TMED5: variants seen among roughly 807,000 people sequenced by gnomAD.
TMED5 encodes the protein transmembrane p24 trafficking protein 5, also known as transmembrane emp24 domain-containing protein 5.
A neutral mutation model predicts 23.0 loss-of-function variants in TMED5; 27 were observed. The ratio of observed to expected loss-of-function variants is 1.17; its 90% CI spans 0.86 to 1.62. TMED5 has a LOEUF of 1.62. Among genes scored for constraint, TMED5 ranks in the 40% most tolerant of loss-of-function variants. The pLI is 0.00. For missense variants in TMED5, 248 were observed against 273.7 expected (o/e 0.91, Z 0.66); for synonymous variants, 97 against 100.8 (o/e 0.96, Z 0.23).
intron 1 of TMED5, among the ~76,000 whole-genome samples, chr1:93,178,224 T>C (rs2101178646): frequency 6.6e-6 from 1 of 152,342 alleles, no homozygotes; most frequent in South Asian, 2.1e-4. Context: ...CCTTTTCTGC[T>C]ACTCCCACCC....
chr1:93,156,368 C>A lies in TMED5; in HGVS notation c.403G>T (p.Glu135Ter), dbSNP rs1648074635. 6.2e-7 allele frequency: 1 copy of A among 1,613,862 alleles called. No individual in the cohort carries two copies. Among genetic ancestry groups the A allele is most frequent in the Non-Finnish European group, 8.5e-7 (1 of 1,179,862 alleles). Residue 135 changes from glutamate to a stop codon, truncating the protein, a stop_gained, in exon 3 of 4, where the codon GAA (glutamate) becomes TAA (stop). Coordinates refer to ENST00000370282, the MANE Select transcript of TMED5 (RefSeq NM_016040.5). LOFTEE classifies it high-confidence loss of function. ...ATATATTTCTTCCAATCTTCTTGTT[C>A]TTGTGCCTGTTCTCCCATATTATCC... ...ILDNMGEQAQ[E>*]QEDWKKYITG...
At position 93,156,323 on chromosome 1, in the gene TMED5, C is replaced by G; in HGVS notation, c.448G>C (p.Asp150His). 1 of 1,613,636 alleles carries G rather than the reference C, an allele frequency of 6.2e-7. No individual in the cohort carries two copies. Among genetic ancestry groups the G allele is most frequent in the Non-Finnish European group, 8.5e-7 (1 of 1,179,746 alleles). The change falls in exon 3 of 4, where the codon GAT (aspartate) becomes CAT (histidine). Residue 150 changes from aspartate (D) to histidine (H), a missense_variant. Transcript: ENST00000370282. ...KKYITGTDIL[D>H]MKLEDILESI... ...ACCAGGATGTCTTCCAGTTTCATAT[C>G]CAATATATCTGTGCCAGTAATATAT...
chr1:93,178,593 C>G (rs1571288289), intron 1 of TMED5, among the ~76,000 whole-genome samples: 1 of 152,142 alleles, frequency 6.6e-6, no homozygotes, highest in East Asian at 1.9e-4. Context: ...CCCCCTCCGT[C>G]TCCCCCACCT....
rs1378215125 is a variant in TMED5 at position 93,175,314 on chromosome 1, T to TACACAC, written c.189+4739_189+4740insGTGTGT. 1.4e-4 allele frequency among the ~76,000 whole-genome samples: 15 copies of TACACAC among 109,060 alleles called. No homozygotes were observed. In the East Asian group the frequency reaches 1.9e-3, roughly 14 times the overall value. The allele number at this position is 109,060 out of a possible 152,430, so 71.5% of individuals were successfully genotyped here. A position where few individuals can be genotyped will look rare whatever the true frequency, so the allele number is the denominator to read the frequency against. On this transcript the variant is annotated intron_variant, in intron 1 of 3. Coordinates refer to ENST00000370282, the MANE Select transcript of TMED5 (RefSeq NM_016040.5). ...TCCCTTATGCCTATATATATATATA[T>TACACAC]ATACACACACACACACACACACACA...
intron 1 of TMED5, chr1:93,160,464 T>C: frequency 2.9e-6 from 1 of 343,198 alleles, no homozygotes; most frequent in Non-Finnish European, 5.4e-6. Context: ...TTATGGATAT[T>C]ACTGAAATAA....
Position 93,160,144 on chromosome 1 carries a change from G to C in TMED5, c.272C>G (p.Ser91Ter). ...GATTACTTACGTGTGAACTCCATCT[G>C]ATTTTCTTTGTTCAAAAACTAAGGT... ...GKTLVFEQRK[S>*]DGVHTVETEV... Residue 91 changes from serine to a stop codon, truncating the protein, a stop_gained, in exon 2 of 4, where the codon TCA (serine) becomes TGA (stop). Transcript: ENST00000370282. LOFTEE classifies it high-confidence loss of function. 4 of 1,610,548 alleles carry C rather than the reference G, an allele frequency of 2.5e-6. No homozygotes were observed. Among genetic ancestry groups the C allele is most frequent in the Non-Finnish European group, 2.5e-6 (3 of 1,177,138 alleles).
chr1:93,166,980 T>C (rs1254594632), intron 1 of TMED5, among the ~76,000 whole-genome samples: 1 of 152,206 alleles, frequency 6.6e-6, no homozygotes, highest in Non-Finnish European at 1.5e-5. Context: ...CTCCTGCATA[T>C]GGATATCCAG....
intron 1 of TMED5, among the ~76,000 whole-genome samples, chr1:93,167,666 G>C (rs1422013351): frequency 1.3e-5 from 2 of 152,030 alleles, no homozygotes; most frequent in Non-Finnish European, 2.9e-5. Context: ...GGAGTCTTTA[G>C]ACTTTTCCAA....
intron 1 of TMED5, chr1:93,161,879 T>G (rs1648291653): frequency 6.6e-6 from 1 of 152,212 alleles, no homozygotes; most frequent in South Asian, 2.1e-4. Flanking sequence ...ACAATGTTAT[T>G]ATCCATATTT....
chr1:93,179,906 C>T (rs1279270440), intron 1 of TMED5, 148 bp downstream of exon 1: 35 of 816,898 alleles, frequency 4.3e-5, no homozygotes, highest in Non-Finnish European at 4.0e-5. Context: ...CCTCGCCTCG[C>T]GCGCCTGCGC....
chr1:93,166,700 T>C (rs1421238550), intron 1 of TMED5, among the ~76,000 whole-genome samples: 1 of 152,172 alleles, frequency 6.6e-6, no homozygotes, highest in East Asian at 1.9e-4. Context: ...ATATTTTCTC[T>C]CATTCTTGGG....
intron 1 of TMED5, among the ~76,000 whole-genome samples, chr1:93,169,138 G>A (rs565705432): frequency 6.6e-6 from 1 of 152,286 alleles, no homozygotes; most frequent in South Asian, 2.1e-4. Context: ...AATGATGGCA[G>A]AATAACATTC....
rs1349637996 is a variant in TMED5 at position 93,156,351 on chromosome 1, C to T, written c.420G>A (p.Lys140=). 9.3e-6 allele frequency: 15 copies of T among 1,613,804 alleles called. No homozygotes were observed. The highest frequency in any genetic ancestry group is 1.3e-5 in the Non-Finnish European group (15 of 1,179,884). Residue 140 remains lysine (K), a synonymous_variant, in exon 3 of 4, where the codon AAG becomes AAA. Transcript: ENST00000370282. The part of the protein sequence containing the change: ...GEQAQEQEDW[K]KYITGTDILD... ...ATATATCTGTGCCAGTAATATATTT[C>T]TTCCAATCTTCTTGTTCTTGTGCCT...
At chr1:93,175,675 T>G (rs1648888473) in intron 1 of TMED5, among the ~76,000 whole-genome samples, 1 of 151,952 alleles carries the variant, frequency 6.6e-6, no homozygotes, top group East Asian at 1.9e-4. Context: ...TACCAGAAAA[T>G]ATTGAAATTT....
rs1647877222 is a variant in TMED5, at chr1:93,151,657, C to G, written c.*3013G>C. ...GAGCAAAAACTGTACCTTTTAGGAA[C>G]AGTGCATGTTTAGGCAACAGGTGAA... On this transcript the variant is annotated 3_prime_UTR_variant, in exon 4 of 4. Coordinates refer to ENST00000370282, the MANE Select transcript of TMED5 (RefSeq NM_016040.5). The G allele has an allele frequency of 6.6e-6, 1 of 152,114 alleles. No homozygotes were observed. Among genetic ancestry groups the G allele is most frequent in the South Asian group, 2.1e-4 (1 of 4,828 alleles). 9.4% of individuals were successfully genotyped at this position (152,114 alleles called of 1,614,324 possible).
At chr1:93,171,279 AAACTCCG>A (rs1181898570) in intron 1 of TMED5, among the ~76,000 whole-genome samples, 2 of 152,206 alleles carry the variant, frequency 1.3e-5, no homozygotes, top group African/African-American at 2.4e-5. Context: ...CAGAAGGAAG[AAACTCCG>A]AACACATCCG....
intron 1 of TMED5, chr1:93,160,821 AC>A (rs1412599801): frequency 6.9e-6 from 1 of 144,684 alleles, no homozygotes; most frequent in East Asian, 2.0e-4. Flanking sequence ...GAGACTCGGT[AC>A]CCCGCCCCCC....
chr1:93,178,057 C>G (rs1228818529), intron 1 of TMED5, among the ~76,000 whole-genome samples: 1 of 152,200 alleles, frequency 6.6e-6, no homozygotes, highest in Non-Finnish European at 1.5e-5. Flanking sequence ...TTCCTTGACT[C>G]TAATTTTGCT....
chr1:93,160,341 T>A (rs1557573485), intron 1 of TMED5, 115 bp from the exon 2 acceptor site: 2 of 577,020 alleles, frequency 3.5e-6, no homozygotes, highest in Non-Finnish European at 6.1e-6. Flanking sequence ...AAGAAAGTCA[T>A]CAGTGATGTC....
Sources: gnomAD v4.1 joint callset for allele counts (sites outside exome capture counted in the v4.1 genomes callset) on GRCh38, gnomAD v4.1.1 for gene constraint, MANE v1.5 for transcripts, NCBI Gene and HGNC (gene_info 2026-07-23, HGNC 2026-07-21) for gene names.